The following ATP8A1 variants were observed in gnomAD, a reference collection of about 807,000 sequenced individuals.
ATP8A1 encodes ATPase phospholipid transporting 8A1.
Under a neutral mutation model 177.7 loss-of-function variants are expected in ATP8A1, and 90 were observed. The ratio of observed to expected loss-of-function variants is 0.51; its 90% CI spans 0.43 to 0.60. The LOEUF is 0.60. ATP8A1 is among the 20% of genes least tolerant of loss of function. The probability of loss-of-function intolerance (pLI) is 0.00; values close to 1 mark genes in which losing one functional copy is unlikely to be tolerated. For synonymous variants in ATP8A1, 493 were observed against 485.9 expected (o/e 1.01, Z -0.19); for missense variants, 1,072 against 1,392.8 (o/e 0.77, Z 3.67).
At chr4:42,601,142 T>C (rs1735224069) in intron 5 of ATP8A1, among the ~76,000 whole-genome samples, 2 of 149,800 alleles carry the variant, frequency 1.3e-5, no homozygotes, top group African/African-American at 4.9e-5. Context: ...TTCAAGCCAT[T>C]CTCCTGCCTC....
intron 1 of ATP8A1, among the ~76,000 whole-genome samples, chr4:42,630,340 C>T (rs559398150): frequency 6.6e-6 from 1 of 152,120 alleles, no homozygotes; most frequent in Admixed American, 6.5e-5. Context: ...TTAGAGGGTT[C>T]GTTCACATAA....
Position 42,455,613 on chromosome 4 carries a change from C to T in ATP8A1, c.2620-14G>A. 1.2e-6 allele frequency: 2 copies of T among 1,607,616 alleles called. No homozygotes were observed. Among genetic ancestry groups the T allele is most frequent in the Non-Finnish European group, 1.7e-6 (2 of 1,177,444 alleles). ...GGCAAACCAGATCTAGGAAAAAAAA[C>T]CCAAAACCCCCAAATTAGAATACAA... On this transcript the variant is annotated splice_polypyrimidine_tract_variant and intron_variant, in intron 27 of 36. Coordinates refer to ENST00000381668, the MANE Select transcript of ATP8A1 (RefSeq NM_006095.2).
chr4:42,483,584 A>G (rs990672386), intron 25 of ATP8A1, among the ~76,000 whole-genome samples: 3 of 152,150 alleles, frequency 2.0e-5, no homozygotes, highest in African/African-American at 7.2e-5. Context: ...CCAGAGGTCC[A>G]TGTGACTTGT....
intron 2 of ATP8A1, chr4:42,625,971 T>G (rs1263301687): frequency 4.1e-6 from 1 of 242,494 alleles, no homozygotes; most frequent in African/African-American, 2.3e-5. Context: ...CTGCTTAACA[T>G]TACTAGAAGT....
chr4:42,415,217 C>G (rs1713099092), intron 35 of ATP8A1: 1 of 152,328 alleles, frequency 6.6e-6, no homozygotes, highest in Admixed American at 6.5e-5. Context: ...TAACATTACA[C>G]AAAGAAGACA....
chr4:42,509,272 C>T (rs1311726688), intron 22 of ATP8A1, among the ~76,000 whole-genome samples: 22 of 152,144 alleles, frequency 1.4e-4, no homozygotes, highest in Admixed American at 1.4e-3. Context: ...TTTGAAAAGC[C>T]CTCAGCATAT....
intron 15 of ATP8A1, chr4:42,562,069 T>G (rs1730892112): frequency 6.6e-6 from 1 of 152,244 alleles, no homozygotes. Flanking sequence ...AGGCTCAGGT[T>G]TCTTTTTTCT....
At chr4:42,479,326 T>C (rs1721416145) in intron 25 of ATP8A1, among the ~76,000 whole-genome samples, 1 of 152,218 alleles carries the variant, frequency 6.6e-6, no homozygotes, top group Non-Finnish European at 1.5e-5. Flanking sequence ...CCCACCTTGC[T>C]CAAAACACCA....
At chr4:42,629,653 T>C (rs1316027836) in intron 1 of ATP8A1, among the ~76,000 whole-genome samples, 2 of 152,220 alleles carry the variant, frequency 1.3e-5, no homozygotes, top group Non-Finnish European at 2.9e-5. Context: ...TGTTTACTCC[T>C]AGCAGGTGAC....
In ATP8A1 at chr4:42,410,766, T is replaced by C. The variant is rs1435539140; in HGVS notation, c.*2150A>G. 6.6e-6 allele frequency: 1 copy of C among 152,168 alleles called. No homozygotes were observed. Among genetic ancestry groups the C allele is most frequent in the Non-Finnish European group, 1.5e-5 (1 of 68,026 alleles). 9.4% of individuals were successfully genotyped at this position (152,168 alleles called of 1,614,324 possible). A position where few individuals can be genotyped will look rare whatever the true frequency, so the allele number is the denominator to read the frequency against. On this transcript the variant is annotated 3_prime_UTR_variant, in exon 37 of 37. Coordinates refer to ENST00000381668, the MANE Select transcript of ATP8A1 (RefSeq NM_006095.2). ...AACAATCCACGTTTCAAGATTAAAA[T>C]AAAACTTACATTTTTAAGTCAGAAA...
Position 42,413,019 on chromosome 4 carries a change from G to A in ATP8A1, c.3398-6C>T. ...TTGAGAGAACGCATACCCATCTGTA[G>A]GTTAATGATAAAACAGAAATTCTCA... On this transcript the variant is annotated splice_polypyrimidine_tract_variant and splice_region_variant and intron_variant, in intron 36 of 36. Transcript: ENST00000381668. 2 of 1,610,868 alleles carry A rather than the reference G, an allele frequency of 1.2e-6. No homozygotes were observed. Among genetic ancestry groups the A allele is most frequent in the Non-Finnish European group, 1.7e-6 (2 of 1,177,734 alleles).
At position 42,503,478 on chromosome 4, in the gene ATP8A1, A is replaced by G; in HGVS notation, c.2123T>C (p.Met708Thr). 1 of 1,608,472 alleles carries G rather than the reference A, an allele frequency of 6.2e-7. No homozygotes were observed. The highest frequency in any genetic ancestry group is 8.5e-7 in the Non-Finnish European group (1 of 1,176,438). ...SCKLLKKNMG[M>T]IVINEGSLDG... ...AAGAGAGCCTTCATTTATAACAATC[A>G]TTCCCATGTTCTTCTTCAACAGTTT... The change falls in exon 24 of 37, where the codon ATG becomes ACG. Residue 708 changes from methionine (M) to threonine (T), a missense_variant. Met to Thr is a moderately conservative substitution (Grantham distance 81). Around this residue, in one of 5 missense-constraint regions of ATP8A1, gnomAD observed 388 missense variants for 471.7 expected, o/e 0.82. Coordinates refer to ENST00000381668, the MANE Select transcript of ATP8A1 (RefSeq NM_006095.2).
intron 2 of ATP8A1, chr4:42,625,935 T>A (rs1354285006): frequency 8.9e-6 from 3 of 335,690 alleles, no homozygotes; most frequent in Non-Finnish European, 1.6e-5. Context: ...TTTTGCATAA[T>A]CTTTTGTCCT....
In ATP8A1 at chr4:42,451,882, A is replaced by G. The variant is rs1267620409; in HGVS notation, c.2896+99T>C. 3 of 824,768 alleles carry G rather than the reference A, an allele frequency of 3.6e-6. No homozygotes were observed. In the African/African-American group the frequency reaches 5.3e-5, roughly 15 times the overall value. 51.1% of individuals were successfully genotyped at this position (824,768 alleles called of 1,614,324 possible). A position where few individuals can be genotyped will look rare whatever the true frequency, so the allele number is the denominator to read the frequency against. On this transcript the variant is annotated intron_variant, in intron 30 of 36. Transcript: ENST00000381668. ...CATTTTAGGTTAAGAGAAATATCAT[A>G]CAATGAAACTGCTATACTTTTAAAC...
chr4:42,581,354 T>G (rs191183359), intron 10 of ATP8A1, among the ~76,000 whole-genome samples: 16 of 152,136 alleles, frequency 1.1e-4, no homozygotes, highest in African/African-American at 3.9e-4. Context: ...AGCATGATCT[T>G]GATCTCCTGA....
chr4:42,613,794 G>A (rs1289590011), intron 5 of ATP8A1, among the ~76,000 whole-genome samples: 3 of 152,028 alleles, frequency 2.0e-5, no homozygotes, highest in African/African-American at 7.2e-5. Flanking sequence ...ATGTTGGTCA[G>A]GCTGGGCTTG....
chr4:42,646,564 A>T (rs569723784), intron 1 of ATP8A1, among the ~76,000 whole-genome samples: 9 of 152,274 alleles, frequency 5.9e-5, no homozygotes, highest in Non-Finnish European at 8.8e-5. Flanking sequence ...CATCAGAACA[A>T]ACCATCTCTT....
chr4:42,650,415 G>GTTTT (rs1740972455), intron 1 of ATP8A1, among the ~76,000 whole-genome samples: 2 of 152,120 alleles, frequency 1.3e-5, no homozygotes, highest in Non-Finnish European at 2.9e-5. Flanking sequence ...ATCGACCACA[G>GTTTT]CCTTTTGTCC....
Position 42,581,649 on chromosome 4 carries a change from T to A in ATP8A1, c.806A>T (p.Tyr269Phe), listed in dbSNP as rs748598849. ...CATCAGCTTGGTGTCATGTCCAGTG[T>A]AGACAACTATTCCATGAACCCACTG... Reference protein sequence around the residue: ...NTQWVHGIVVYTGHDTKLMQN... With the variant: ...NTQWVHGIVVFTGHDTKLMQN... The change falls in exon 10 of 37, where the codon TAC (tyrosine) becomes TTC (phenylalanine). Residue 269 changes from tyrosine to phenylalanine, a missense_variant. By Grantham distance (22) the Tyr-to-Phe change is conservative. This residue lies in a region of ATP8A1 where 344 missense variants were observed against 393.5 expected (regional missense o/e 0.87). Transcript: ENST00000381668. 1 of 1,614,000 alleles carries A rather than the reference T, an allele frequency of 6.2e-7. No homozygotes were observed. Among genetic ancestry groups the A allele is most frequent in the African/African-American group, 1.3e-5 (1 of 74,928 alleles).
Sources: allele counts gnomAD v4.1 joint callset (sites outside exome capture counted in the v4.1 genomes callset), GRCh38; gene constraint gnomAD v4.1.1; regional missense constraint gnomAD v4.1.1; transcripts MANE v1.5; gene names NCBI Gene and HGNC (gene_info 2026-07-23, HGNC 2026-07-21).